Variants in ZDHHC15 observed in about 807,000 individuals in gnomAD.
The protein encoded by ZDHHC15 is palmitoyltransferase ZDHHC15.
ZDHHC15 carries 19 observed loss-of-function variants against 31.7 expected under a neutral mutation model. The ratio of observed to expected loss-of-function variants is 0.60; its 90% CI spans 0.42 to 0.88. ZDHHC15 has a LOEUF of 0.88. Ranked by LOEUF, ZDHHC15 falls within the 40% of genes least tolerant of loss-of-function variation. The pLI, the probability that ZDHHC15 is intolerant of heterozygous loss-of-function variation, is 0.00. For missense variants in ZDHHC15, 209 were observed against 251.2 expected (o/e 0.83, Z 1.14); for synonymous variants, 103 against 90.0 (o/e 1.14, Z -0.82).
chrX:75,456,785 G>T (rs1056303396), intron 3 of ZDHHC15, among the ~76,000 whole-genome samples: 2 of 111,302 alleles, frequency 1.8e-5, no homozygotes, highest in Admixed American at 1.9e-4. Context: ...TCTGAGAGCA[G>T]TTGGGTCCAG....
At chrX:75,428,670 A>G (rs1050484510) in intron 7 of ZDHHC15, among the ~76,000 whole-genome samples, 1 of 112,161 alleles carries the variant, frequency 8.9e-6, no homozygotes, top group African/African-American at 3.2e-5. Context: ...ATTAGGAAGT[A>G]TTTTCTAACA....
intron 4 of ZDHHC15, among the ~76,000 whole-genome samples, chrX:75,444,657 TA>T (rs1409727415): frequency 1.8e-4 from 9 of 51,278 alleles, no homozygotes; most frequent in African/African-American, 6.3e-4. Flanking sequence ...TATATATATA[TA>T]TATATATATA....
At chrX:75,438,269 C>T (rs1394500648) in intron 4 of ZDHHC15, among the ~76,000 whole-genome samples, 3 of 111,439 alleles carry the variant, frequency 2.7e-5, no homozygotes, top group Non-Finnish European at 5.6e-5. Flanking sequence ...GTAGTGAAGT[C>T]CCCCGCTATT....
rs1374729506 is a variant in ZDHHC15 at position 75,478,943 on chromosome X, G to A, written c.206C>T (p.Thr69Ile). ...AAAGATAGACTTCCAGTAGGTCCAG[G>A]TAAAGAACACAAAGATGGCATGGTA... Reference protein sequence around the residue: ...ILYHAIFVFFTWTYWKSIFTL... With the variant: ...ILYHAIFVFFIWTYWKSIFTL... The change falls in exon 3 of 12, where the codon ACC becomes ATC. Residue 69 changes from threonine to isoleucine, a missense_variant. Transcript: ENST00000373367. 1 of 1,205,075 alleles carries A rather than the reference G, an allele frequency of 8.3e-7. No individual in the cohort carries two copies. Among genetic ancestry groups the A allele is most frequent in the East Asian group, 3.0e-5 (1 of 33,626 alleles).
intron 1 of ZDHHC15, among the ~76,000 whole-genome samples, chrX:75,521,514 G>T (rs2085441184): frequency 9.0e-6 from 1 of 110,994 alleles, no homozygotes; most frequent in African/African-American, 3.3e-5. Context: ...GAGACTTGGG[G>T]TTTGTGTCGG....
At chrX:75,435,326 C>T (rs185863965) in intron 4 of ZDHHC15, among the ~76,000 whole-genome samples, 6 of 111,472 alleles carry the variant, frequency 5.4e-5, no homozygotes, top group Middle Eastern at 4.6e-3. Flanking sequence ...ATTTGGATGT[C>T]CTTTATTTCT....
intron 2 of ZDHHC15, among the ~76,000 whole-genome samples, chrX:75,479,971 T>C (rs1001160390): frequency 5.4e-5 from 6 of 111,716 alleles, no homozygotes; most frequent in Middle Eastern, 4.6e-3. Context: ...GCCTTTTAGA[T>C]AGCTCTTCTC....
At chrX:75,509,743 CAT>C (rs1329969573) in intron 1 of ZDHHC15, among the ~76,000 whole-genome samples, 4 of 112,472 alleles carry the variant, frequency 3.6e-5, no homozygotes, top group Non-Finnish European at 7.5e-5. Flanking sequence ...TAAGTAATAA[CAT>C]ATGTGTAAAG....
intron 2 of ZDHHC15, among the ~76,000 whole-genome samples, chrX:75,485,368 T>C (rs1569355135): frequency 9.0e-6 from 1 of 111,551 alleles, no homozygotes; most frequent in Non-Finnish European, 1.9e-5. Flanking sequence ...TCAATAGTCA[T>C]ACTCAAATGT....
chrX:75,424,542 G>C, intron 8 of ZDHHC15, 110 bp downstream of exon 8: 1 of 804,666 alleles, frequency 1.2e-6, no homozygotes, highest in East Asian at 3.7e-5. Context: ...GGGGTAGAGG[G>C]ATGTCACTGC....
chrX:75,509,746 A>C (rs1227327261), intron 1 of ZDHHC15, among the ~76,000 whole-genome samples: 2 of 112,697 alleles, frequency 1.8e-5, no homozygotes, highest in African/African-American at 3.2e-5. Flanking sequence ...GTAATAACAT[A>C]TGTGTAAAGC....
At chrX:75,521,508 C>T (rs2085440926) in intron 1 of ZDHHC15, among the ~76,000 whole-genome samples, 1 of 110,670 alleles carries the variant, frequency 9.0e-6, no homozygotes, top group African/African-American at 3.3e-5. Flanking sequence ...AAGGGAGAGA[C>T]TTGGGGTTTG....
At chrX:75,373,588 G>A (rs1014075364) in intron 11 of ZDHHC15, among the ~76,000 whole-genome samples, 1 of 111,592 alleles carries the variant, frequency 9.0e-6, no homozygotes, top group African/African-American at 3.2e-5. Context: ...GATTATAAAT[G>A]AGGAGAAAGA....
rs188839944 is a variant in ZDHHC15 at position 75,402,506 on chromosome X, T to C, written c.967+14581A>G. On this transcript the variant is annotated intron_variant, in intron 10 of 11. Transcript: ENST00000373367. ...TGGATAGGCCACTAGCTAGACTAAT[T>C]AAGAAGAAAAGGGAGAAGATCCAAT... 6.0e-4 allele frequency among the ~76,000 whole-genome samples: 66 copies of C among 110,225 alleles called. 1 individual carries two copies. Among genetic ancestry groups the C allele is most frequent in the Admixed American group, 2.1e-3 (22 of 10,332 alleles).
At chrX:75,492,192 A>G (rs190980186) in intron 2 of ZDHHC15, among the ~76,000 whole-genome samples, 1 of 111,780 alleles carries the variant, frequency 8.9e-6, no homozygotes, top group Non-Finnish European at 1.9e-5. Context: ...GAAGGACATT[A>G]GATAATGGTA....
rs2082985676 is a variant in ZDHHC15, at chrX:75,369,332, TGTG to T, written c.*3643_*3645del. 1 of 110,679 alleles carries T rather than the reference TGTG, an allele frequency of 9.0e-6. No homozygotes were observed. Among genetic ancestry groups the T allele is most frequent in the Non-Finnish European group, 1.9e-5 (1 of 52,836 alleles). 9.1% of individuals were successfully genotyped at this position (110,679 alleles called of 1,213,427 possible). ...AAATGTGTATGTGTGTGTGTGTGTG[TGTG>T]TGTGTGTGTGTACATGTGCATACAT... On this transcript the variant is annotated 3_prime_UTR_variant, in exon 12 of 12. Transcript: ENST00000373367.
intron 10 of ZDHHC15, among the ~76,000 whole-genome samples, chrX:75,397,326 C>CAA (rs143476870): frequency 0.013 from 1,275 of 96,096 alleles, 16 homozygotes; most frequent in African/African-American, 0.034. Flanking sequence ...GACTCCATCT[C>CAA]AAAAAAAAAA....
chrX:75,441,019 C>A (rs2083932757), intron 4 of ZDHHC15, among the ~76,000 whole-genome samples: 1 of 111,741 alleles, frequency 8.9e-6, no homozygotes, highest in African/African-American at 3.3e-5. Context: ...TCACACTCTC[C>A]CCGTACCCAC....
chrX:75,419,307 C>A (rs1477022151), intron 9 of ZDHHC15, among the ~76,000 whole-genome samples: 1 of 111,844 alleles, frequency 8.9e-6, no homozygotes, highest in Admixed American at 9.5e-5. Flanking sequence ...ACAGACACTT[C>A]TCAAAAGAAG....
Sources: gnomAD v4.1 joint callset for allele counts (sites outside exome capture counted in the v4.1 genomes callset) on GRCh38, gnomAD v4.1.1 for gene constraint, MANE v1.5 for transcripts, NCBI Gene and HGNC (gene_info 2026-07-23, HGNC 2026-07-21) for gene names.